Variants in TLK1 observed in about 807,000 individuals in gnomAD.
The protein encoded by TLK1 is tousled like kinase 1.
TLK1 carries 24 observed loss-of-function variants against 105.3 expected under a neutral mutation model. The ratio of observed to expected loss-of-function variants is 0.23; its 90% CI spans 0.17 to 0.32. The LOEUF (loss-of-function observed/expected upper bound fraction) is 0.32. Ranked by LOEUF, TLK1 falls within the 10% of genes least tolerant of loss-of-function variation. The pLI, the probability that TLK1 is intolerant of heterozygous loss-of-function variation, is 1.00. For synonymous variants in TLK1, 321 were observed against 310.4 expected, an observed-to-expected ratio of 1.03 and a Z score of -0.36; for missense variants, 558 against 910.5, an observed-to-expected ratio of 0.61 and a Z score of 4.98.
At chr2:171,120,906 C>G (rs769947640) in intron 1 of TLK1, among the ~76,000 whole-genome samples, 1 of 152,146 alleles carries the variant, frequency 6.6e-6, no homozygotes, top group Non-Finnish European at 1.5e-5. Flanking sequence ...TGGCCATCAA[C>G]AGATGAATGG....
At chr2:171,132,544 T>C (rs770766741) in intron 1 of TLK1, among the ~76,000 whole-genome samples, 1 of 152,260 alleles carries the variant, frequency 6.6e-6, no homozygotes, top group Non-Finnish European at 1.5e-5. Context: ...AGCGTAGTGG[T>C]ATTTTAGTAA....
chr2:171,174,099 T>C (rs149580574), intron 1 of TLK1, among the ~76,000 whole-genome samples: 2 of 152,208 alleles, frequency 1.3e-5, no homozygotes, highest in African/African-American at 4.8e-5. Context: ...TTCCAACTAG[T>C]CTTTCTAGCA....
intron 1 of TLK1, among the ~76,000 whole-genome samples, chr2:171,179,173 A>G (rs1344594153): frequency 6.6e-6 from 1 of 152,204 alleles, no homozygotes; most frequent in East Asian, 1.9e-4. Flanking sequence ...GTACAGTTGG[A>G]GTGGTGTGAT....
At chr2:171,015,686 CATACACACACACAT>C (rs56321323) in intron 12 of TLK1, among the ~76,000 whole-genome samples, 154 of 23,992 alleles carry the variant, frequency 6.4e-3, no homozygotes, top group African/African-American at 0.013. Flanking sequence ...GTCATTCATT[CATACACACACACAT>C]ATACACACAC....
rs111520630 is a variant in TLK1 at position 171,226,941 on chromosome 2, T to A, written c.-6+4204A>T. On this transcript the variant is annotated intron_variant, in intron 1 of 20. Transcript: ENST00000521943. Reference sequence around the variant, plus strand: ...TCTCAAACAGATTTACATAATTTTTTAAAATGGAATTAGAAAATAAATTTC... The same window carrying A: ...TCTCAAACAGATTTACATAATTTTTAAAAATGGAATTAGAAAATAAATTTC... Among the ~76,000 whole-genome samples the A allele has an allele frequency of 5.1e-3, 772 of 152,298 alleles. 11 individuals are homozygous for A. Among genetic ancestry groups the A allele is most frequent in the African/African-American group, 0.018 (733 of 41,546 alleles).
At chr2:171,060,463 T>C (rs766786385) in intron 4 of TLK1, among the ~76,000 whole-genome samples, 1 of 152,192 alleles carries the variant, frequency 6.6e-6, no homozygotes. Flanking sequence ...TTCACAGCCA[T>C]AGATCTTATG....
intron 1 of TLK1, among the ~76,000 whole-genome samples, chr2:171,208,708 T>C (rs1408847409): frequency 6.6e-6 from 1 of 152,248 alleles, no homozygotes; most frequent in Non-Finnish European, 1.5e-5. Context: ...AAATGAGGCA[T>C]TTGATATTGA....
chr2:171,075,802 A>G (rs1688475580), intron 3 of TLK1, among the ~76,000 whole-genome samples: 2 of 152,214 alleles, frequency 1.3e-5, no homozygotes, highest in South Asian at 4.1e-4. Context: ...AAGATACATA[A>G]TCTAACTTAG....
At chr2:171,024,533 C>G (rs1465606437) in intron 12 of TLK1, among the ~76,000 whole-genome samples, 1 of 152,106 alleles carries the variant, frequency 6.6e-6, no homozygotes, top group African/African-American at 2.4e-5. Flanking sequence ...AGCAAACAGT[C>G]CAGTACTTAA....
chr2:171,097,189 T>A (rs917119298), intron 2 of TLK1, among the ~76,000 whole-genome samples: 4 of 152,184 alleles, frequency 2.6e-5, no homozygotes, highest in African/African-American at 9.7e-5. Flanking sequence ...GTAGGGTGAA[T>A]TGATCTTTGG....
At chr2:170,994,656 A>G (rs1166313579) in intron 20 of TLK1, 1 of 515,534 alleles carries the variant, frequency 1.9e-6, no homozygotes, top group South Asian at 1.4e-5. Flanking sequence ...CAAGAAAAAG[A>G]ACCTCTGAAT....
At chr2:171,152,515 G>GTTA (rs560451492) in intron 1 of TLK1, among the ~76,000 whole-genome samples, 1 of 147,074 alleles carries the variant, frequency 6.8e-6, no homozygotes, top group Non-Finnish European at 1.5e-5. Context: ...CAAAGGTTTT[G>GTTA]TTATTGTTGT....
chr2:171,215,220 C>T (rs149094675), intron 1 of TLK1, among the ~76,000 whole-genome samples: 2,703 of 152,294 alleles, frequency 0.018, 31 homozygotes, highest in Non-Finnish European at 0.027. Context: ...GGATTACAGG[C>T]GTGAGCCGCC....
intron 2 of TLK1, among the ~76,000 whole-genome samples, chr2:171,087,486 T>C (rs1042660681): frequency 1.3e-5 from 2 of 152,068 alleles, no homozygotes; most frequent in African/African-American, 4.8e-5. Context: ...TTGGACACCA[T>C]GAAGCAGTCT....
chr2:171,004,669 A>C (rs1684562398), intron 18 of TLK1, among the ~76,000 whole-genome samples: 2 of 152,184 alleles, frequency 1.3e-5, no homozygotes, highest in Non-Finnish European at 2.9e-5. Context: ...ACGAAGAATA[A>C]TTTATTGTTT....
intron 1 of TLK1, among the ~76,000 whole-genome samples, chr2:171,212,515 A>G (rs1575660957): frequency 6.6e-6 from 1 of 152,242 alleles, no homozygotes; most frequent in East Asian, 1.9e-4. Flanking sequence ...TCCTTTATCA[A>G]TGTCAGTGGA....
At chr2:171,029,309 TA>T (rs912553512) in intron 11 of TLK1, among the ~76,000 whole-genome samples, 29 of 152,176 alleles carry the variant, frequency 1.9e-4, no homozygotes, top group African/African-American at 6.5e-4. Flanking sequence ...ATAAGCAAGA[TA>T]AAAAAATGCT....
intron 2 of TLK1, among the ~76,000 whole-genome samples, chr2:171,085,329 G>A (rs1179744030): frequency 6.6e-6 from 1 of 151,692 alleles, no homozygotes; most frequent in Non-Finnish European, 1.5e-5. Context: ...GGCAGAGGTT[G>A]CAGCGAGCCA....
intron 3 of TLK1, among the ~76,000 whole-genome samples, chr2:171,079,314 G>A (rs1193028912): frequency 6.6e-6 from 1 of 152,130 alleles, no homozygotes; most frequent in African/African-American, 2.4e-5. Flanking sequence ...TCCCCTACAG[G>A]CAAATGGAAT....
Sources: gnomAD v4.1 joint callset for allele counts (sites outside exome capture counted in the v4.1 genomes callset) on GRCh38, gnomAD v4.1.1 for gene constraint, MANE v1.5 for transcripts, NCBI Gene and HGNC (gene_info 2026-07-23, HGNC 2026-07-21) for gene names.